Variants in FREM1 observed in about 807,000 individuals in gnomAD.
FREM1 encodes FRAS1-related extracellular matrix protein 1.
FREM1 carries 220 observed loss-of-function variants against 210.1 expected under a neutral mutation model. The ratio of observed to expected loss-of-function variants is 1.05; its 90% confidence interval spans 0.94 to 1.17. The LOEUF (loss-of-function observed/expected upper bound fraction) is 1.17, where lower values mean the gene tolerates loss of function less well. FREM1 is among the 50% of genes most tolerant of loss of function. The pLI is 0.00. For missense variants in FREM1, 3,454 were observed against 2,675.5 expected (o/e 1.29, Z -6.42); for synonymous variants, 1,189 against 980.2 (o/e 1.21, Z -3.98).
chr9:14,835,187 A>G lies in FREM1; in HGVS notation c.1881+6260T>C, dbSNP rs975309914. ...TTAACTTTCGCTTGGAATATTGCTG[A>G]TCCTTGTTTAGTTTTTCAGAGTCAA... On this transcript the variant is annotated intron_variant, in intron 10 of 36. Coordinates refer to ENST00000380880, the MANE Select transcript of FREM1 (RefSeq NM_001379081.2). Among the ~76,000 whole-genome samples the G allele has an allele frequency of 3.3e-5, 5 of 152,228 alleles. No homozygotes were observed. The East Asian group carries it at 9.6e-4, about 29-fold the overall frequency.
chr9:14,818,124 C>T (rs1459701657), intron 14 of FREM1, among the ~76,000 whole-genome samples: 2 of 152,150 alleles, frequency 1.3e-5, no homozygotes, highest in African/African-American at 2.4e-5. Context: ...GACTTGATTA[C>T]TATGCAGATT....
intron 10 of FREM1, among the ~76,000 whole-genome samples, chr9:14,839,134 G>C (rs1463629917): frequency 6.6e-6 from 1 of 152,180 alleles, no homozygotes; most frequent in Admixed American, 6.5e-5. Context: ...GAGGGGTTGA[G>C]GATAATCTAG....
intron 28 of FREM1, 93 bp downstream of exon 28, chr9:14,759,676 CTTG>C (rs1845114196): frequency 8.3e-7 from 1 of 1,208,174 alleles, no homozygotes. Context: ...TTGAAATTTC[CTTG>C]GTCACTCTGA....
At chr9:14,781,901 C>T (rs1264030570) in intron 24 of FREM1, among the ~76,000 whole-genome samples, 3 of 152,186 alleles carry the variant, frequency 2.0e-5, no homozygotes, top group Admixed American at 6.5e-5. Flanking sequence ...GACGGGGTTT[C>T]GCCATGTTGG....
chr9:14,842,169 G>T (rs1050630008), intron 9 of FREM1, 147 bp downstream of exon 9: 2 of 576,706 alleles, frequency 3.5e-6, no homozygotes, highest in Non-Finnish European at 3.1e-6. Flanking sequence ...TATGAAATGG[G>T]AATAAAAATA....
At chr9:14,775,723 A>AT in intron 25 of FREM1, 66 bp downstream of exon 25, 24 of 877,768 alleles carry the variant, frequency 2.7e-5, no homozygotes, top group Non-Finnish European at 1.7e-6. Context: ...AAAAAAAAAA[A>AT]AAAAAAAATT....
intron 3 of FREM1, among the ~76,000 whole-genome samples, chr9:14,860,564 TATATACAC>T (rs1392689058): frequency 7.8e-6 from 1 of 128,426 alleles, no homozygotes; most frequent in African/African-American, 3.1e-5. Context: ...TACACACATA[TATATACAC>T]ATATATATAC....
intron 1 of FREM1, among the ~76,000 whole-genome samples, chr9:14,902,046 A>G (rs575314243): frequency 1.3e-5 from 2 of 150,116 alleles, no homozygotes; most frequent in South Asian, 2.1e-4. Flanking sequence ...AGATCTCACT[A>G]TGTTTCTCAG....
At chr9:14,826,281 G>A (rs1822442300) in intron 10 of FREM1, among the ~76,000 whole-genome samples, 1 of 152,018 alleles carries the variant, frequency 6.6e-6, no homozygotes, top group Admixed American at 6.6e-5. Context: ...TAGTAGAGAT[G>A]GGGTTTCACC....
At chr9:14,833,098 G>A (rs1823877872) in intron 10 of FREM1, among the ~76,000 whole-genome samples, 1 of 152,064 alleles carries the variant, frequency 6.6e-6, no homozygotes, top group African/African-American at 2.4e-5. Flanking sequence ...GTCTTCTTGT[G>A]CTAAGTCAGT....
At chr9:14,745,431 C>G (rs953282194) in intron 35 of FREM1, among the ~76,000 whole-genome samples, 5 of 152,150 alleles carry the variant, frequency 3.3e-5, no homozygotes, top group African/African-American at 9.7e-5. Context: ...GACATCTACT[C>G]TTGCGAAGAC....
intron 1 of FREM1, among the ~76,000 whole-genome samples, chr9:14,885,746 A>T (rs1267936443): frequency 6.6e-6 from 1 of 152,204 alleles, no homozygotes; most frequent in Non-Finnish European, 1.5e-5. Flanking sequence ...TTTGCAATAT[A>T]TACATACACT....
At chr9:14,905,874 G>A (rs1335266491) in intron 1 of FREM1, among the ~76,000 whole-genome samples, 1 of 151,286 alleles carries the variant, frequency 6.6e-6, no homozygotes, top group African/African-American at 2.4e-5. Flanking sequence ...ATGGGCAATA[G>A]AGCAAGACTC....
Position 14,872,492 on chromosome 9 carries a change from T to G in FREM1, c.-267-3248A>C, listed in dbSNP as rs887919680. On this transcript the variant is annotated intron_variant, in intron 1 of 36. Transcript: ENST00000380880. ...TTTGTCTTTTATTGGTGTATAAGAA[T>G]GCTTGTGATTTTTGTATATTGATTT... Among the ~76,000 whole-genome samples, 37 of 152,220 alleles carry G rather than the reference T, an allele frequency of 2.4e-4. 1 individual carries two copies. The highest frequency in any genetic ancestry group is 2.4e-3 in the Admixed American group (37 of 15,276).
At chr9:14,823,643 A>G (rs77579124) in intron 12 of FREM1, among the ~76,000 whole-genome samples, 6,103 of 152,250 alleles carry the variant, frequency 0.04, 399 homozygotes, top group African/African-American at 0.14. Context: ...ATGTCCTGGC[A>G]GTTTATTTTA....
At chr9:14,739,657 A>G (rs1841162702) in intron 36 of FREM1, among the ~76,000 whole-genome samples, 1 of 150,638 alleles carries the variant, frequency 6.6e-6, no homozygotes, top group Non-Finnish European at 1.5e-5. Flanking sequence ...CTGCATTTTC[A>G]CTTTGCACCT....
chr9:14,785,510 C>A (rs1318179490), intron 23 of FREM1, among the ~76,000 whole-genome samples: 1 of 152,052 alleles, frequency 6.6e-6, no homozygotes, highest in African/African-American at 2.4e-5. Flanking sequence ...GGATTATTCA[C>A]AATAGCCAAG....
chr9:14,833,178 G>A (rs898892694), intron 10 of FREM1, among the ~76,000 whole-genome samples: 5 of 152,182 alleles, frequency 3.3e-5, no homozygotes, highest in African/African-American at 4.8e-5. Context: ...GATCCATCAA[G>A]GGCAGGGTTT....
At chr9:14,872,339 T>C (rs1832833566) in intron 1 of FREM1, among the ~76,000 whole-genome samples, 2 of 152,170 alleles carry the variant, frequency 1.3e-5, no homozygotes, top group African/African-American at 2.4e-5. Flanking sequence ...CCTCTTTTAT[T>C]TCATTGAGCA....
Sources: allele counts gnomAD v4.1 joint callset (sites outside exome capture counted in the v4.1 genomes callset), GRCh38; gene constraint gnomAD v4.1.1; transcripts MANE v1.5; gene names NCBI Gene and HGNC (gene_info 2026-07-23, HGNC 2026-07-21).